TACR3: variants seen among roughly 807,000 people sequenced by gnomAD.
TACR3 encodes the protein tachykinin receptor 3.
TACR3 carries 34 observed loss-of-function variants against 35.0 expected under a neutral mutation model. That is an observed-to-expected ratio of 0.97 (90% confidence interval 0.74 to 1.30). The LOEUF is 1.30. TACR3 is among the 50% of genes most tolerant of loss of function. The probability of loss-of-function intolerance (pLI) is 0.00; values close to 1 mark genes in which losing one functional copy is unlikely to be tolerated. For missense variants in TACR3, 558 were observed against 591.7 expected (o/e 0.94, Z 0.59); for synonymous variants, 233 against 221.1 (o/e 1.05, Z -0.48).
intron 3 of TACR3, among the ~76,000 whole-genome samples, chr4:103,652,400 C>T (rs1311611824): frequency 6.6e-6 from 1 of 152,104 alleles, no homozygotes; most frequent in Non-Finnish European, 1.5e-5. Context: ...TGTCCTTTCT[C>T]TCCCAAGGGC....
intron 3 of TACR3, among the ~76,000 whole-genome samples, chr4:103,612,895 A>AATAAATGAATATATAAATAG (rs1267758142): frequency 1.3e-5 from 2 of 152,184 alleles, no homozygotes; most frequent in African/African-American, 4.8e-5. Context: ...TAAATAAATG[A>AATAAATGAATATATAAATAG]ATAAATGAAT....
intron 1 of TACR3, among the ~76,000 whole-genome samples, chr4:103,688,329 C>T (rs1471830638): frequency 6.6e-6 from 1 of 152,150 alleles, no homozygotes; most frequent in African/African-American, 2.4e-5. Flanking sequence ...ATTCAGGACA[C>T]TGGCATGGGC....
intron 3 of TACR3, among the ~76,000 whole-genome samples, chr4:103,602,614 C>A (rs545529905): frequency 6.6e-6 from 1 of 152,214 alleles, no homozygotes; most frequent in East Asian, 1.9e-4. Context: ...ACAGACAGGA[C>A]CCTCAGCTGC....
At chr4:103,711,418 A>T (rs954027599) in intron 1 of TACR3, among the ~76,000 whole-genome samples, 5 of 152,234 alleles carry the variant, frequency 3.3e-5, no homozygotes, top group African/African-American at 1.2e-4. Flanking sequence ...ATAGATGAAG[A>T]AAAGGTCTTT....
chr4:103,637,797 GACAA>G (rs751941674), intron 3 of TACR3, among the ~76,000 whole-genome samples: 7 of 152,028 alleles, frequency 4.6e-5, no homozygotes, highest in Non-Finnish European at 5.9e-5. Flanking sequence ...ACCAATAACA[GACAA>G]ACAGAGAGCC....
chr4:103,613,979 A>G (rs1431245863), intron 3 of TACR3, among the ~76,000 whole-genome samples: 1 of 152,204 alleles, frequency 6.6e-6, no homozygotes, highest in Non-Finnish European at 1.5e-5. Flanking sequence ...ATTCTATTGT[A>G]TAAGGATCCC....
chr4:103,687,572 C>T (rs1021689064), intron 1 of TACR3, among the ~76,000 whole-genome samples: 2 of 151,978 alleles, frequency 1.3e-5, no homozygotes, highest in Non-Finnish European at 2.9e-5. Flanking sequence ...AATCAATGTA[C>T]AAAAATCACA....
intron 1 of TACR3, among the ~76,000 whole-genome samples, chr4:103,683,470 C>CAAAAAA (rs57761679): frequency 6.6e-4 from 14 of 21,148 alleles, no homozygotes; most frequent in Middle Eastern, 0.033. Flanking sequence ...AAAGACTGAC[C>CAAAAAA]AAAAAAAAAA....
rs74533229 is a variant in TACR3, at chr4:103,692,047, A to C, written c.548+27081T>G. ...GTGTGTGTCTTTAATTCCTCTAGGA[A>C]CCTGGGTTAGGGTCTCCTGGACCGA... On this transcript the variant is annotated intron_variant, in intron 1 of 4. Coordinates refer to ENST00000304883, the MANE Select transcript of TACR3 (RefSeq NM_001059.3). Among the ~76,000 whole-genome samples the C allele has an allele frequency of 8.1e-3, 1,237 of 152,170 alleles. 20 individuals carry two copies. Among genetic ancestry groups the C allele is most frequent in the African/African-American group, 0.029 (1,184 of 41,532 alleles).
intron 1 of TACR3, among the ~76,000 whole-genome samples, chr4:103,687,976 C>T (rs1251197769): frequency 1.3e-5 from 2 of 152,186 alleles, no homozygotes; most frequent in Non-Finnish European, 2.9e-5. Context: ...CTGGAGGCAT[C>T]ACGCTACCTG....
intron 3 of TACR3, among the ~76,000 whole-genome samples, chr4:103,598,502 GGT>G (rs1724099141): frequency 6.6e-6 from 1 of 152,110 alleles, no homozygotes; most frequent in South Asian, 2.1e-4. Context: ...CATTGCTTTT[GGT>G]GTGTTAGACA....
intron 1 of TACR3, among the ~76,000 whole-genome samples, chr4:103,716,097 T>C (rs886687135): frequency 6.6e-6 from 1 of 152,176 alleles, no homozygotes; most frequent in African/African-American, 2.4e-5. Flanking sequence ...CTGCATAATC[T>C]TGGAAAAGCT....
At chr4:103,673,449 G>A (rs150617271) in intron 1 of TACR3, among the ~76,000 whole-genome samples, 1 of 152,254 alleles carries the variant, frequency 6.6e-6, no homozygotes, top group Non-Finnish European at 1.5e-5. Context: ...GTCTCAAGGA[G>A]AGGAAGAGAG....
intron 3 of TACR3, among the ~76,000 whole-genome samples, chr4:103,628,115 G>A (rs1240492740): frequency 6.6e-6 from 1 of 152,032 alleles, no homozygotes; most frequent in Admixed American, 6.6e-5. Flanking sequence ...AAGACACAAG[G>A]TACCAGAATC....
intron 1 of TACR3, among the ~76,000 whole-genome samples, chr4:103,700,282 G>T (rs60184988): frequency 0.032 from 4,828 of 152,094 alleles, 267 homozygotes; most frequent in African/African-American, 0.11. Context: ...CTTCTAGGTG[G>T]TATAAACAGG....
At chr4:103,687,664 A>G (rs1156446612) in intron 1 of TACR3, among the ~76,000 whole-genome samples, 1 of 152,220 alleles carries the variant, frequency 6.6e-6, no homozygotes, top group Non-Finnish European at 1.5e-5. Context: ...CAAAGAGAAT[A>G]AAATACCTAG....
Position 103,636,210 on chromosome 4 carries a change from A to G in TACR3, c.888+19984T>C, listed in dbSNP as rs77280576. ...TTATGTATTGTTTTAGTATGTAGCA[A>G]AAGGAGCTGTTGAATGCTAGAAAAC... On this transcript the variant is annotated intron_variant, in intron 3 of 4. Coordinates refer to ENST00000304883, the MANE Select transcript of TACR3 (RefSeq NM_001059.3). Among the ~76,000 whole-genome samples the G allele has an allele frequency of 5.1e-4, 77 of 152,130 alleles. 2 individuals carry two copies. The East Asian group carries it at 0.015, about 29-fold the overall frequency.
At chr4:103,693,936 C>T (rs904085730) in intron 1 of TACR3, among the ~76,000 whole-genome samples, 1 of 152,140 alleles carries the variant, frequency 6.6e-6, no homozygotes, top group Non-Finnish European at 1.5e-5. Flanking sequence ...AACTTTATTT[C>T]CAAATAATTA....
chr4:103,689,893 A>G (rs773362753), intron 1 of TACR3, among the ~76,000 whole-genome samples: 3 of 152,202 alleles, frequency 2.0e-5, no homozygotes, highest in Non-Finnish European at 4.4e-5. Context: ...TAGGCACATC[A>G]TAAGTGCAGT....
Sources: gnomAD v4.1 joint callset for allele counts (sites outside exome capture counted in the v4.1 genomes callset) on GRCh38, gnomAD v4.1.1 for gene constraint, MANE v1.5 for transcripts, NCBI Gene and HGNC (gene_info 2026-07-23, HGNC 2026-07-21) for gene names.